TRA2A: variants seen among roughly 807,000 people sequenced by gnomAD.
The protein encoded by TRA2A is transformer-2 protein homolog alpha.
TRA2A carries 31 observed loss-of-function variants against 45.7 expected under a neutral mutation model. That is an observed-to-expected ratio of 0.68 (90% CI 0.51 to 0.92). TRA2A has a LOEUF of 0.92. Among genes scored for constraint, TRA2A ranks in the 40% least tolerant of loss-of-function variants. The probability of loss-of-function intolerance (pLI) is 0.00; values close to 1 mark genes in which losing one functional copy is unlikely to be tolerated. For missense variants in TRA2A, 304 were observed against 367.5 expected (o/e 0.83, Z 1.41); for synonymous variants, 132 against 126.2 (o/e 1.05, Z -0.31).
intron 5 of TRA2A, 61 bp from the exon 6 acceptor site, chr7:23,506,327 T>A: frequency 6.9e-7 from 1 of 1,456,786 alleles, no homozygotes; most frequent in South Asian, 1.5e-5. Flanking sequence ...GACACTTTAA[T>A]ACAAATTGAA....
At chr7:23,514,031 C>A (rs1364060012) in intron 3 of TRA2A, among the ~76,000 whole-genome samples, 3 of 151,336 alleles carry the variant, frequency 2.0e-5, no homozygotes, top group African/African-American at 7.3e-5. Context: ...GAGCTAAGAA[C>A]ATAAAGTACA....
chr7:23,528,651 T>G (rs987817663), intron 1 of TRA2A, among the ~76,000 whole-genome samples: 1 of 151,934 alleles, frequency 6.6e-6, no homozygotes, highest in African/African-American at 2.4e-5. Flanking sequence ...AATTCCAAAT[T>G]GATACAGATA....
At chr7:23,518,222 T>C (rs1441495976) in intron 2 of TRA2A, among the ~76,000 whole-genome samples, 2 of 152,034 alleles carry the variant, frequency 1.3e-5, no homozygotes, top group East Asian at 1.9e-4. Flanking sequence ...GCCTGGCCCA[T>C]AAAGTTCTAC....
chr7:23,506,417 T>C, intron 5 of TRA2A, 151 bp from the exon 6 acceptor site: 2 of 966,716 alleles, frequency 2.1e-6, no homozygotes, highest in Non-Finnish European at 2.9e-6. Flanking sequence ...CTGACTCCCA[T>C]GGTATTCTGG....
intron 1 of TRA2A, among the ~76,000 whole-genome samples, chr7:23,529,392 C>T (rs939647773): frequency 5.3e-5 from 8 of 152,180 alleles, no homozygotes; most frequent in South Asian, 2.1e-4. Flanking sequence ...TCCTAAGTAG[C>T]TGTGATCACA....
intron 4 of TRA2A, among the ~76,000 whole-genome samples, chr7:23,510,353 G>A (rs918428471): frequency 6.6e-6 from 1 of 152,094 alleles, no homozygotes; most frequent in Non-Finnish European, 1.5e-5. Flanking sequence ...GAGATGAAGT[G>A]GAGTCTCACT....
At chr7:23,531,387 G>A (rs1790575961) in intron 1 of TRA2A, 3 of 331,612 alleles carry the variant, frequency 9.0e-6, no homozygotes, top group Non-Finnish European at 1.4e-5. Flanking sequence ...GCTCGGGGTC[G>A]CCAGAAATGC....
At chr7:23,506,385 A>T in intron 5 of TRA2A, 119 bp from the exon 6 acceptor site, 2 of 1,261,054 alleles carry the variant, frequency 1.6e-6, no homozygotes, top group African/African-American at 3.0e-5. Context: ...TTCATGAGAA[A>T]TTGCCTCCGT....
intron 4 of TRA2A, 49 bp downstream of exon 4, chr7:23,512,845 T>G: frequency 1.5e-6 from 2 of 1,334,002 alleles, no homozygotes; most frequent in Non-Finnish European, 2.0e-6. Flanking sequence ...TTAATCAACT[T>G]TTCACACTAA....
At chr7:23,515,334 A>AG (rs1266991038) in intron 3 of TRA2A, among the ~76,000 whole-genome samples, 1 of 142,206 alleles carries the variant, frequency 7.0e-6, no homozygotes, top group Non-Finnish European at 1.5e-5. Context: ...GGTTCACACC[A>AG]TTCTCCTGCC....
At chr7:23,529,937 A>C (rs904942917) in intron 1 of TRA2A, among the ~76,000 whole-genome samples, 1 of 149,708 alleles carries the variant, frequency 6.7e-6, no homozygotes, top group Non-Finnish European at 1.5e-5. Flanking sequence ...CTTAGGAGGG[A>C]AAAGTGACAA....
chr7:23,512,564 T>C (rs983419151), intron 4 of TRA2A, among the ~76,000 whole-genome samples: 2 of 152,022 alleles, frequency 1.3e-5, no homozygotes, highest in African/African-American at 4.8e-5. Flanking sequence ...GTTCGCGCCA[T>C]TCTCCTGCCT....
In TRA2A at chr7:23,511,358, G is replaced by A. The variant is rs1192944786; in HGVS notation, c.525+1536C>T. The stretch of plus-strand genomic sequence containing the variant: ...TGCACTCCAGCCTGGGCGACAGAGC[G>A]AGACTCCATCTCAAAAAAAAAAAAA... On this transcript the variant is annotated intron_variant, in intron 4 of 7. Coordinates refer to ENST00000297071, the MANE Select transcript of TRA2A (RefSeq NM_013293.5). Among the ~76,000 whole-genome samples the A allele has an allele frequency of 4.0e-5, 4 of 100,032 alleles. No individual in the cohort carries two copies. In the East Asian group the frequency reaches 1.4e-3, roughly 35 times the overall value. 65.6% of individuals were successfully genotyped at this position (100,032 alleles called of 152,430 possible).
At chr7:23,506,785 T>C (rs892098850) in intron 5 of TRA2A, among the ~76,000 whole-genome samples, 17 of 152,180 alleles carry the variant, frequency 1.1e-4, no homozygotes, top group Admixed American at 2.6e-4. Context: ...TATTTTATTT[T>C]TATTTTTTGA....
intron 2 of TRA2A, among the ~76,000 whole-genome samples, chr7:23,521,497 G>A (rs1318520045): frequency 6.6e-6 from 1 of 152,212 alleles, no homozygotes; most frequent in Non-Finnish European, 1.5e-5. Context: ...CTGTGGTGCA[G>A]TGGTGCAATC....
intron 1 of TRA2A, among the ~76,000 whole-genome samples, chr7:23,529,853 C>T (rs995111145): frequency 4.3e-5 from 6 of 141,012 alleles, no homozygotes; most frequent in Non-Finnish European, 6.1e-5. Flanking sequence ...GGGTGGGAAT[C>T]TTTTTTTTTT....
intron 2 of TRA2A, among the ~76,000 whole-genome samples, chr7:23,517,411 G>C (rs1461130975): frequency 1.4e-5 from 2 of 145,060 alleles, no homozygotes; most frequent in Non-Finnish European, 3.0e-5. Flanking sequence ...CCAGAAGGCG[G>C]AGCTTGCAGT....
chr7:23,506,987 T>C (rs1789370240), intron 5 of TRA2A, among the ~76,000 whole-genome samples: 1 of 152,058 alleles, frequency 6.6e-6, no homozygotes, highest in African/African-American at 2.4e-5. Flanking sequence ...GTGGTCCCGA[T>C]CTCGTGATCT....
chr7:23,519,383 CAA>C (rs534310803), intron 2 of TRA2A, among the ~76,000 whole-genome samples: 1 of 151,324 alleles, frequency 6.6e-6, no homozygotes, highest in African/African-American at 2.4e-5. Context: ...ACTCCGTCTT[CAA>C]AAAAAAGACT....
Sources: allele counts gnomAD v4.1 joint callset (sites outside exome capture counted in the v4.1 genomes callset), GRCh38; gene constraint gnomAD v4.1.1; transcripts MANE v1.5; gene names NCBI Gene and HGNC (gene_info 2026-07-23, HGNC 2026-07-21).